The following STAC variants were observed in gnomAD, a reference collection of about 807,000 sequenced individuals.
STAC encodes the protein SH3 and cysteine-rich domain-containing protein.
A neutral mutation model predicts 48.8 loss-of-function variants in STAC; 43 were observed. That is an observed-to-expected ratio of 0.88 (90% CI 0.69 to 1.14). STAC has a LOEUF of 1.14. Among genes scored for constraint, STAC ranks in the 50% most tolerant of loss-of-function variants. STAC has a pLI of 0.00. For missense variants in STAC, 497 were observed against 504.0 expected, an observed-to-expected ratio of 0.99 and a Z score of 0.13; for synonymous variants, 193 against 179.5, an observed-to-expected ratio of 1.07 and a Z score of -0.60.
chr3:36,526,824 C>G (rs990321059), intron 8 of STAC, among the ~76,000 whole-genome samples: 1 of 152,078 alleles, frequency 6.6e-6, no homozygotes. Flanking sequence ...GACCTTCAGA[C>G]CTTCTAGAGG....
chr3:36,383,039 C>T (rs1699545841), intron 1 of STAC, among the ~76,000 whole-genome samples: 1 of 152,070 alleles, frequency 6.6e-6, no homozygotes, highest in South Asian at 2.1e-4. Flanking sequence ...ATAAGAGTAA[C>T]AAATACTCTT....
intron 1 of STAC, among the ~76,000 whole-genome samples, chr3:36,415,586 T>C (rs1414243306): frequency 6.6e-6 from 1 of 152,318 alleles, no homozygotes; most frequent in East Asian, 1.9e-4. Flanking sequence ...CCTGACCCCC[T>C]GCTTCGGCTC....
intron 2 of STAC, among the ~76,000 whole-genome samples, chr3:36,450,417 T>C (rs925010008): frequency 2.6e-5 from 4 of 152,340 alleles, no homozygotes; most frequent in African/African-American, 9.6e-5. Context: ...TCTTCCCTCA[T>C]CTGTCATCTT....
At chr3:36,543,016 T>C (rs1388789638) in intron 10 of STAC, among the ~76,000 whole-genome samples, 1 of 152,220 alleles carries the variant, frequency 6.6e-6, no homozygotes, top group Non-Finnish European at 1.5e-5. Flanking sequence ...ACATTTCTGC[T>C]AGGGAGATCA....
intron 1 of STAC, among the ~76,000 whole-genome samples, chr3:36,402,829 G>A (rs143398601): frequency 5.9e-5 from 9 of 152,094 alleles, no homozygotes; most frequent in Non-Finnish European, 8.8e-5. Context: ...TGGCCTGTCC[G>A]TCTTCCCACC....
intron 8 of STAC, among the ~76,000 whole-genome samples, chr3:36,510,194 T>A (rs1360493539): frequency 6.6e-6 from 1 of 151,888 alleles, no homozygotes; most frequent in East Asian, 1.9e-4. Flanking sequence ...CCAACAAACA[T>A]GTGAAAAAAA....
intron 8 of STAC, among the ~76,000 whole-genome samples, chr3:36,512,141 GT>G: frequency 6.6e-6 from 1 of 152,246 alleles, no homozygotes; most frequent in African/African-American, 2.4e-5. Flanking sequence ...GTACATCTGA[GT>G]TTTCTCTATT....
At chr3:36,440,788 G>A (rs1696323672) in intron 1 of STAC, among the ~76,000 whole-genome samples, 1 of 152,184 alleles carries the variant, frequency 6.6e-6, no homozygotes, top group South Asian at 2.1e-4. Flanking sequence ...GACTTTTGAA[G>A]TGGAACTTAG....
intron 1 of STAC, among the ~76,000 whole-genome samples, chr3:36,392,384 G>A (rs1051634629): frequency 3.3e-5 from 5 of 151,946 alleles, no homozygotes; most frequent in African/African-American, 9.7e-5. Context: ...GTGTCACCTA[G>A]GCTGGAGTGC....
intron 10 of STAC, among the ~76,000 whole-genome samples, chr3:36,535,233 G>A (rs569849002): frequency 7.2e-5 from 11 of 152,136 alleles, no homozygotes; most frequent in East Asian, 1.9e-4. Context: ...TCTTTGTAGC[G>A]ATTGTGAATG....
chr3:36,483,785 C>T (rs1191468245), intron 3 of STAC, among the ~76,000 whole-genome samples: 1 of 152,164 alleles, frequency 6.6e-6, no homozygotes, highest in Non-Finnish European at 1.5e-5. Flanking sequence ...GACCCTGTCT[C>T]TACAAAAATT....
At chr3:36,382,453 AC>A (rs780876516) in intron 1 of STAC, among the ~76,000 whole-genome samples, 9 of 152,210 alleles carry the variant, frequency 5.9e-5, no homozygotes, top group Non-Finnish European at 7.3e-5. Flanking sequence ...ATAATTATCC[AC>A]CAATTTATCT....
chr3:36,438,195 T>A (rs79248993), intron 1 of STAC, among the ~76,000 whole-genome samples: 3,511 of 152,218 alleles, frequency 0.023, 59 homozygotes, highest in East Asian at 0.026. Context: ...CCTCCCTAAG[T>A]GCTGGGATGA....
chr3:36,485,200 T>A (rs1015599608), intron 4 of STAC, 142 bp downstream of exon 4: 2 of 562,934 alleles, frequency 3.6e-6, no homozygotes, highest in Non-Finnish European at 5.8e-6. Context: ...ACTGTGTGTT[T>A]TGCTGGAAGG....
At chr3:36,385,193 G>A (rs139759982) in intron 1 of STAC, among the ~76,000 whole-genome samples, 18 of 152,088 alleles carry the variant, frequency 1.2e-4, no homozygotes, top group East Asian at 7.7e-4. Context: ...AATGTTATAC[G>A]TAGTCTTCCT....
intron 10 of STAC, among the ~76,000 whole-genome samples, chr3:36,529,508 A>T (rs1052942362): frequency 6.6e-6 from 1 of 152,174 alleles, no homozygotes; most frequent in African/African-American, 2.4e-5. Context: ...ATAAATGAAC[A>T]ATCTCTGTAT....
intron 2 of STAC, among the ~76,000 whole-genome samples, chr3:36,474,205 T>C (rs1697427975): frequency 6.6e-6 from 1 of 152,146 alleles, no homozygotes; most frequent in Non-Finnish European, 1.5e-5. Flanking sequence ...TGAGACCCCA[T>C]ATGTAACCCA....
At chr3:36,435,064 CT>C (rs1700797692) in intron 1 of STAC, among the ~76,000 whole-genome samples, 1 of 152,276 alleles carries the variant, frequency 6.6e-6, no homozygotes, top group South Asian at 2.1e-4. Context: ...AGCCATTTAA[CT>C]TTGGGCAAGT....
intron 2 of STAC, among the ~76,000 whole-genome samples, chr3:36,448,708 C>A (rs1347740784): frequency 1.3e-5 from 2 of 152,028 alleles, no homozygotes; most frequent in Non-Finnish European, 2.9e-5. Context: ...CACTTGGAGT[C>A]CCAAGTGCAA....
Sources: allele counts gnomAD v4.1 joint callset (sites outside exome capture counted in the v4.1 genomes callset), GRCh38; gene constraint gnomAD v4.1.1; transcripts MANE v1.5; gene names NCBI Gene and HGNC (gene_info 2026-07-23, HGNC 2026-07-21).